The following IL1RAPL1 variants were observed in gnomAD, a reference collection of about 807,000 sequenced individuals.
IL1RAPL1 encodes interleukin 1 receptor accessory protein like 1.
In IL1RAPL1, 3 loss-of-function variants were observed where a neutral mutation model predicts 48.4. The ratio of observed to expected loss-of-function variants is 0.06; its 90% CI spans 0.03 to 0.16. The LOEUF is 0.16. Ranked by LOEUF, IL1RAPL1 falls within the 10% of genes least tolerant of loss-of-function variation. The probability of loss-of-function intolerance (pLI) is 1.00; values close to 1 mark genes in which losing one functional copy is unlikely to be tolerated. For synonymous variants in IL1RAPL1, 185 were observed against 187.7 expected (o/e 0.99, Z 0.12); for missense variants, 349 against 530.6 (o/e 0.66, Z 3.36).
chrX:28,607,659 T>TA (rs1395808316), intron 1 of IL1RAPL1, among the ~76,000 whole-genome samples: 1 of 111,385 alleles, frequency 9.0e-6, no homozygotes, highest in Non-Finnish European at 1.9e-5. Context: ...TCACTTTTTT[T>TA]CAAGCATTTT....
intron 5 of IL1RAPL1, among the ~76,000 whole-genome samples, chrX:29,408,976 A>T (rs1296301055): frequency 8.9e-6 from 1 of 112,179 alleles, no homozygotes; most frequent in Non-Finnish European, 1.9e-5. Context: ...TGAGACCTCT[A>T]ATTCTTCTGC....
intron 1 of IL1RAPL1, among the ~76,000 whole-genome samples, chrX:28,645,347 CA>C (rs35814453): frequency 0.046 from 1,326 of 28,910 alleles, 9 homozygotes; most frequent in African/African-American, 0.11. Flanking sequence ...AATTCCGCCT[CA>C]AAAAAAAAAA....
intron 1 of IL1RAPL1, among the ~76,000 whole-genome samples, chrX:28,696,350 T>G (rs917582900): frequency 6.3e-5 from 7 of 111,420 alleles, no homozygotes; most frequent in African/African-American, 2.3e-4. Flanking sequence ...AAAATTTAAT[T>G]ATCAATATTG....
chrX:28,910,537 T>C (rs1923332624), intron 2 of IL1RAPL1, among the ~76,000 whole-genome samples: 1 of 109,366 alleles, frequency 9.1e-6, no homozygotes. Flanking sequence ...GGTTCAGCAC[T>C]ATGTTTTCAT....
intron 6 of IL1RAPL1, among the ~76,000 whole-genome samples, chrX:29,828,449 C>T (rs189051912): frequency 9.5e-4 from 106 of 111,152 alleles, no homozygotes; most frequent in Middle Eastern, 9.2e-3. Context: ...AGAGATGGTA[C>T]GATATTGATA....
intron 2 of IL1RAPL1, among the ~76,000 whole-genome samples, chrX:29,068,282 G>A (rs1927491295): frequency 8.9e-6 from 1 of 111,854 alleles, no homozygotes; most frequent in Non-Finnish European, 1.9e-5. Context: ...TTTCTATTTG[G>A]TATTCATTGA....
At chrX:29,945,145 G>A (rs770679057) in intron 9 of IL1RAPL1, among the ~76,000 whole-genome samples, 69 of 111,313 alleles carry the variant, frequency 6.2e-4, no homozygotes, top group African/African-American at 2.2e-3. Flanking sequence ...CCTCTCTGTG[G>A]CCCTGAGGGC....
chrX:28,667,335 A>T (rs757278772), intron 1 of IL1RAPL1, among the ~76,000 whole-genome samples: 9 of 112,106 alleles, frequency 8.0e-5, no homozygotes, highest in African/African-American at 2.9e-4. Context: ...TATAAATTTC[A>T]TGTTTCATGG....
intron 2 of IL1RAPL1, among the ~76,000 whole-genome samples, chrX:29,254,535 A>G (rs1023162052): frequency 3.6e-5 from 4 of 110,621 alleles, no homozygotes; most frequent in Non-Finnish European, 7.6e-5. Context: ...AGTATTTCTA[A>G]ACATAGGAGG....
chrX:28,881,822 A>G (rs181874382), intron 2 of IL1RAPL1, among the ~76,000 whole-genome samples: 63 of 111,446 alleles, frequency 5.7e-4, no homozygotes, highest in Non-Finnish European at 9.4e-4. Flanking sequence ...GTTATTTAAA[A>G]TTATCAGGTC....
At chrX:29,803,158 T>C (rs147800929) in intron 6 of IL1RAPL1, among the ~76,000 whole-genome samples, 4,267 of 84,723 alleles carry the variant, frequency 0.05, 162 homozygotes, top group Non-Finnish European at 0.075. Flanking sequence ...TGTGTATACA[T>C]GCATACACAT....
chrX:29,379,203 G>A (rs887564211), intron 3 of IL1RAPL1, among the ~76,000 whole-genome samples: 22 of 112,672 alleles, frequency 2.0e-4, no homozygotes, highest in Non-Finnish European at 3.8e-4. Flanking sequence ...CTCAGGTGAA[G>A]CAAAGCATCC....
chrX:29,689,132 C>G (rs1473600405), intron 6 of IL1RAPL1, among the ~76,000 whole-genome samples: 3 of 111,840 alleles, frequency 2.7e-5, no homozygotes, highest in Admixed American at 9.5e-5. Flanking sequence ...ATGATTATAT[C>G]TACTAATGGA....
chrX:29,754,277 G>T (rs182167871), intron 6 of IL1RAPL1, among the ~76,000 whole-genome samples: 1 of 111,405 alleles, frequency 9.0e-6, no homozygotes, highest in East Asian at 2.8e-4. Context: ...TTCAAAACTG[G>T]CTTTTCATAA....
chrX:29,318,037 C>T (rs1185370026), intron 3 of IL1RAPL1, among the ~76,000 whole-genome samples: 1 of 111,790 alleles, frequency 8.9e-6, no homozygotes, highest in Admixed American at 9.5e-5. Context: ...ACCCAGCTCT[C>T]CAAGATAGAA....
chrX:29,367,593 TTTA>T (rs1463983435), intron 3 of IL1RAPL1, among the ~76,000 whole-genome samples: 1 of 107,708 alleles, frequency 9.3e-6, no homozygotes, highest in East Asian at 2.9e-4. Context: ...TATTTATTTA[TTTA>T]TTGAGATGAA....
At chrX:29,072,568 A>G (rs987975561) in intron 2 of IL1RAPL1, among the ~76,000 whole-genome samples, 5 of 111,587 alleles carry the variant, frequency 4.5e-5, no homozygotes, top group African/African-American at 1.6e-4. Flanking sequence ...AATGGCTTTC[A>G]TGACATTGTG....
chrX:28,960,836 G>C (rs1157503191), intron 2 of IL1RAPL1, among the ~76,000 whole-genome samples: 1 of 108,662 alleles, frequency 9.2e-6, no homozygotes, highest in Non-Finnish European at 1.9e-5. Context: ...GTGAAACCCC[G>C]TCTCTACTAA....
chrX:28,873,411 T>C (rs1402485062), intron 2 of IL1RAPL1, among the ~76,000 whole-genome samples: 2 of 109,079 alleles, frequency 1.8e-5, no homozygotes, highest in African/African-American at 6.7e-5. Context: ...GAGCCCGGCC[T>C]CTGAGCCTAA....
Sources: allele counts gnomAD v4.1 joint callset (sites outside exome capture counted in the v4.1 genomes callset), GRCh38; gene constraint gnomAD v4.1.1; transcripts MANE v1.5; gene names NCBI Gene and HGNC (gene_info 2026-07-23, HGNC 2026-07-21).